PSD3: variants seen among roughly 807,000 people sequenced by gnomAD.
PSD3 encodes PH and SEC7 domain-containing protein 3.
PSD3 carries 49 observed loss-of-function variants against 105.5 expected under a neutral mutation model. That is an observed-to-expected ratio of 0.46 (90% confidence interval 0.37 to 0.59). PSD3 has a LOEUF of 0.59. Ranked by LOEUF, PSD3 falls within the 20% of genes least tolerant of loss-of-function variation. The pLI, the probability that PSD3 is intolerant of heterozygous loss-of-function variation, is 0.00. For missense variants in PSD3, 1,561 were observed against 1,263.8 expected (o/e 1.24, Z -3.57); for synonymous variants, 557 against 457.8 (o/e 1.22, Z -2.77).
chr8:18,684,192 C>A, intron 9 of PSD3: 5 of 313,424 alleles, frequency 1.6e-5, no homozygotes, highest in Admixed American at 4.7e-5. Context: ...CCCTGCTACT[C>A]GTCTCTCTTT....
At chr8:18,978,462 A>G (rs1227896428) in intron 1 of PSD3, among the ~76,000 whole-genome samples, 2 of 152,218 alleles carry the variant, frequency 1.3e-5, no homozygotes, top group Non-Finnish European at 2.9e-5. Context: ...TTTTGCTAAG[A>G]TTCAAAAAAT....
chr8:18,592,724 G>A (rs958676842), intron 12 of PSD3, among the ~76,000 whole-genome samples: 75 of 152,088 alleles, frequency 4.9e-4, no homozygotes, highest in Non-Finnish European at 8.4e-4. Context: ...AAAAACACTT[G>A]CCACACAAGC....
At chr8:18,708,504 A>G (rs1455963045) in intron 9 of PSD3, among the ~76,000 whole-genome samples, 1 of 152,106 alleles carries the variant, frequency 6.6e-6, no homozygotes, top group East Asian at 1.9e-4. Context: ...ACCTCTGAGT[A>G]GAGCCATCAC....
At chr8:18,951,134 C>A (rs1823211891) in intron 1 of PSD3, among the ~76,000 whole-genome samples, 1 of 152,138 alleles carries the variant, frequency 6.6e-6, no homozygotes. Flanking sequence ...GTGGCTCATA[C>A]CTACGATCCC....
intron 9 of PSD3, chr8:18,734,182 C>A (rs1403740420): frequency 6.6e-6 from 1 of 152,090 alleles, no homozygotes; most frequent in African/African-American, 2.4e-5. Context: ...AGGTAGAAAC[C>A]AGACTTGAAT....
At chr8:18,719,554 A>C (rs1163576980) in intron 9 of PSD3, among the ~76,000 whole-genome samples, 1 of 152,186 alleles carries the variant, frequency 6.6e-6, no homozygotes, top group Non-Finnish European at 1.5e-5. Context: ...CTTGAACAAG[A>C]CTTTAAAAAT....
chr8:18,612,355 C>G (rs1335868955), intron 11 of PSD3, among the ~76,000 whole-genome samples: 2 of 150,214 alleles, frequency 1.3e-5, no homozygotes, highest in African/African-American at 2.5e-5. Context: ...TTGAGAACAC[C>G]GCTTTAACGT....
chr8:19,023,872 A>G (rs1827449863), intron 1 of PSD3, among the ~76,000 whole-genome samples: 1 of 152,236 alleles, frequency 6.6e-6, no homozygotes, highest in African/African-American at 2.4e-5. Context: ...AAGGTATCAC[A>G]TACATGATTG....
chr8:18,914,970 C>A (rs1446473890), intron 2 of PSD3, among the ~76,000 whole-genome samples: 6 of 152,040 alleles, frequency 3.9e-5, no homozygotes, highest in South Asian at 2.1e-4. Flanking sequence ...ACTATGGTAA[C>A]CAAAACAGCA....
intron 2 of PSD3, among the ~76,000 whole-genome samples, chr8:18,924,120 G>A (rs541626232): frequency 2.2e-4 from 33 of 152,162 alleles, no homozygotes; most frequent in African/African-American, 7.0e-4. Flanking sequence ...CTACAGATAC[G>A]TGGGCCAGTG....
chr8:18,819,680 G>A (rs971802132), intron 4 of PSD3, among the ~76,000 whole-genome samples: 14 of 148,288 alleles, frequency 9.4e-5, no homozygotes, highest in African/African-American at 3.5e-4. Flanking sequence ...CAGGGTTCAT[G>A]TGATTCGCCC....
At chr8:18,874,037 T>G (rs998433796) in intron 2 of PSD3, among the ~76,000 whole-genome samples, 22 of 152,364 alleles carry the variant, frequency 1.4e-4, no homozygotes, top group Non-Finnish European at 2.6e-4. Context: ...GTATCCAGTC[T>G]TCTTCTGAAC....
rs554068692 is a variant in PSD3 at position 18,669,690 on chromosome 8, C to T, written c.2173-14005G>A. Among the ~76,000 whole-genome samples, 43 of 152,312 alleles carry T rather than the reference C, an allele frequency of 2.8e-4. 1 individual carries two copies. The South Asian group carries it at 8.7e-3, about 31-fold the overall frequency. On this transcript the variant is annotated intron_variant, in intron 9 of 15. Coordinates refer to ENST00000327040, the MANE Select transcript of PSD3 (RefSeq NM_015310.4). The stretch of plus-strand genomic sequence containing the variant: ...GATTTAAAACTTATGAAATGTTTGT[C>T]TCTAAAATTTTCCTTTTAATGTTTT...
intron 9 of PSD3, among the ~76,000 whole-genome samples, chr8:18,751,103 T>C (rs941367771): frequency 3.9e-5 from 6 of 152,088 alleles, no homozygotes; most frequent in Non-Finnish European, 8.8e-5. Context: ...GGCGGTGCTC[T>C]TCGGGGAGGC....
rs146704081 is a variant in PSD3, at chr8:18,951,434, G to A, written c.22-15292C>T. The stretch of plus-strand genomic sequence containing the variant: ...CAAAAAACAAACCAAAAAGGACCAC[G>A]GAACAGCAGGGCAGTGGAAAGCAAG... On this transcript the variant is annotated intron_variant, in intron 1 of 15. Transcript: ENST00000327040. 4.6e-3 allele frequency among the ~76,000 whole-genome samples: 699 copies of A among 152,112 alleles called. 3 individuals are homozygous for A. The highest frequency in any genetic ancestry group is 6.4e-3 in the Non-Finnish European group (434 of 67,968).
At chr8:18,812,382 G>A (rs1188530444) in intron 4 of PSD3, among the ~76,000 whole-genome samples, 1 of 152,130 alleles carries the variant, frequency 6.6e-6, no homozygotes, top group Non-Finnish European at 1.5e-5. Flanking sequence ...CTAGTGAAAT[G>A]GTTAATATTG....
chr8:18,839,532 G>A (rs1255403622), intron 4 of PSD3, among the ~76,000 whole-genome samples: 2 of 152,076 alleles, frequency 1.3e-5, no homozygotes, highest in African/African-American at 4.8e-5. Context: ...AAAGCCAAGG[G>A]GAATGATGGT....
At chr8:18,991,177 C>G (rs1437246229) in intron 1 of PSD3, among the ~76,000 whole-genome samples, 1 of 152,112 alleles carries the variant, frequency 6.6e-6, no homozygotes, top group Non-Finnish European at 1.5e-5. Flanking sequence ...AAATTTAATA[C>G]TTTTGACCAC....
At chr8:19,072,354 T>A (rs1829300185) in intron 1 of PSD3, among the ~76,000 whole-genome samples, 1 of 152,182 alleles carries the variant, frequency 6.6e-6, no homozygotes, top group African/African-American at 2.4e-5. Flanking sequence ...CCCAAAGTGC[T>A]GGGATTATAG....
Sources: allele counts gnomAD v4.1 joint callset (sites outside exome capture counted in the v4.1 genomes callset), GRCh38; gene constraint gnomAD v4.1.1; transcripts MANE v1.5; gene names NCBI Gene and HGNC (gene_info 2026-07-23, HGNC 2026-07-21).